HNF4G: variants seen among roughly 807,000 people sequenced by gnomAD.
HNF4G encodes the protein hepatocyte nuclear factor 4 gamma, also known as hepatocyte nuclear factor 4-gamma.
Under a neutral mutation model 50.9 loss-of-function variants are expected in HNF4G, and 21 were observed. The observed-to-expected ratio is 0.41, with a 90% CI of 0.29 to 0.59. HNF4G has a LOEUF of 0.59. HNF4G is among the 20% of genes least tolerant of loss of function. HNF4G has a pLI of 0.26. For missense variants in HNF4G, 527 were observed against 559.4 expected (o/e 0.94, Z 0.58); for synonymous variants, 198 against 185.6 (o/e 1.07, Z -0.54).
chr8:75,515,207 C>T lies in HNF4G; in HGVS notation c.-24+24999C>T, dbSNP rs918910306. ...ACTGTACAATTTATAAGCTGTTTGT[C>T]TTTGTGCATATTTTTTGTATTTTTT... On this transcript the variant is annotated intron_variant, in intron 2 of 10. Coordinates refer to the HNF4G transcript ENST00000354370. Among the ~76,000 whole-genome samples the T allele has an allele frequency of 2.6e-5, 4 of 152,026 alleles. No individual in the cohort carries two copies. The East Asian group carries it at 5.8e-4, about 22-fold the overall frequency.
intron 2 of HNF4G, among the ~76,000 whole-genome samples, chr8:75,527,469 C>A (rs1168903320): frequency 6.6e-6 from 1 of 152,156 alleles, no homozygotes; most frequent in East Asian, 1.9e-4. Flanking sequence ...TCAATGTTCA[C>A]AATGACTTTG....
At chr8:75,433,601 G>T (rs1221269974) in intron 1 of HNF4G, among the ~76,000 whole-genome samples, 1 of 152,074 alleles carries the variant, frequency 6.6e-6, no homozygotes, top group Non-Finnish European at 1.5e-5. Context: ...TCACTACTGT[G>T]TTGCACGGGC....
intron 1 of HNF4G, among the ~76,000 whole-genome samples, chr8:75,461,057 T>C (rs1811827197): frequency 6.6e-6 from 1 of 152,216 alleles, no homozygotes; most frequent in Admixed American, 6.5e-5. Flanking sequence ...AGGTTAAGAA[T>C]CTTGCCCAAA....
chr8:75,426,149 A>G (rs1261745440), intron 1 of HNF4G, among the ~76,000 whole-genome samples: 1 of 152,196 alleles, frequency 6.6e-6, no homozygotes, highest in Admixed American at 6.5e-5. Context: ...CTTACTGTAC[A>G]TGCAACTATA....
chr8:75,437,704 A>C (rs1447684088), intron 1 of HNF4G, among the ~76,000 whole-genome samples: 1 of 152,036 alleles, frequency 6.6e-6, no homozygotes, highest in East Asian at 1.9e-4. Flanking sequence ...AAAATAAAAA[A>C]AGAAATGTTA....
intron 1 of HNF4G, among the ~76,000 whole-genome samples, chr8:75,471,947 A>C (rs970066206): frequency 6.6e-6 from 1 of 152,186 alleles, no homozygotes; most frequent in Non-Finnish European, 1.5e-5. Context: ...ATGGTACTTG[A>C]GCAAGTAATC....
At position 75,566,557 on chromosome 8, in the gene HNF4G, AAAGGAACTGATGTTTTC is replaced by A. The variant is rs1807467421; in HGVS notation, c.*2463_*2479del. On this transcript the variant is annotated 3_prime_UTR_variant, in exon 10 of 10. Coordinates refer to ENST00000396423, the MANE Select transcript of HNF4G (RefSeq NM_004133.5). ...ACTGAACTGCCATAGATGCTGGAAAAAAGGAACTGATGTTTTCAGCATATTTTCAAAATATTGATAAG... is the reference window on the plus strand; with the variant it reads ...ACTGAACTGCCATAGATGCTGGAAAAAGCATATTTTCAAAATATTGATAAG... 1 of 152,516 alleles carries A rather than the reference AAAGGAACTGATGTTTTC, an allele frequency of 6.6e-6. No individual in the cohort carries two copies. Among genetic ancestry groups the A allele is most frequent in the Admixed American group, 6.5e-5 (1 of 15,270 alleles). The allele number at this position is 152,516 out of a possible 1,614,324, so 9.4% of individuals were successfully genotyped here. A position where few individuals can be genotyped will look rare whatever the true frequency, so the allele number is the denominator to read the frequency against.
At chr8:75,490,347 C>A (rs1812595502) in intron 2 of HNF4G, 2 of 152,168 alleles carry the variant, frequency 1.3e-5, no homozygotes, top group South Asian at 2.1e-4. Flanking sequence ...GTACACTGAC[C>A]ACAACCTCCT....
chr8:75,428,034 C>T (rs1464419359), intron 1 of HNF4G, among the ~76,000 whole-genome samples: 3 of 152,188 alleles, frequency 2.0e-5, no homozygotes, highest in East Asian at 1.9e-4. Flanking sequence ...ATGCATAAAA[C>T]ATTGCTTTAT....
chr8:75,539,249 C>A (rs1008881205), upstream of HNF4G, among the ~76,000 whole-genome samples: 1 of 152,120 alleles, frequency 6.6e-6, no homozygotes, highest in African/African-American at 2.4e-5. Flanking sequence ...CATGTACTAG[C>A]AGCTGTACTG....
At chr8:75,532,183 A>G (rs1052330874) in intron 2 of HNF4G, among the ~76,000 whole-genome samples, 21 of 152,170 alleles carry the variant, frequency 1.4e-4, no homozygotes, top group African/African-American at 4.8e-4. Context: ...TTATTTTGAG[A>G]GAAGAGTTAT....
chr8:75,449,371 T>G (rs1326977821), intron 1 of HNF4G, among the ~76,000 whole-genome samples: 1 of 151,624 alleles, frequency 6.6e-6, no homozygotes, highest in Non-Finnish European at 1.5e-5. Flanking sequence ...TATAAAATTT[T>G]GTAAATTTGG....
chr8:75,501,913 C>T (rs373000469), intron 2 of HNF4G, among the ~76,000 whole-genome samples: 8 of 123,052 alleles, frequency 6.5e-5, no homozygotes, highest in East Asian at 2.3e-4. Context: ...AGTGCAGTGG[C>T]GCAATCTCGG....
At chr8:75,412,391 A>G (rs1810521509) in intron 1 of HNF4G, among the ~76,000 whole-genome samples, 1 of 152,214 alleles carries the variant, frequency 6.6e-6, no homozygotes, top group South Asian at 2.1e-4. Flanking sequence ...CTTACTTTCA[A>G]AGTACATATG....
intron 2 of HNF4G, among the ~76,000 whole-genome samples, chr8:75,510,013 G>A (rs1293039896): frequency 6.6e-6 from 1 of 152,004 alleles, no homozygotes; most frequent in African/African-American, 2.4e-5. Flanking sequence ...CCAGAGAAAG[G>A]CATTATTATC....
chr8:75,478,073 A>G (rs762725535), intron 1 of HNF4G, among the ~76,000 whole-genome samples: 3 of 152,230 alleles, frequency 2.0e-5, no homozygotes, highest in Non-Finnish European at 2.9e-5. Flanking sequence ...CCACGTTGGG[A>G]GGCCGAGGCA....
chr8:75,416,712 C>T (rs2130476221), intron 1 of HNF4G, among the ~76,000 whole-genome samples: 1 of 152,298 alleles, frequency 6.6e-6, no homozygotes. Context: ...GTAGACTTCG[C>T]ATGGGACCTG....
intron 1 of HNF4G, among the ~76,000 whole-genome samples, chr8:75,486,702 A>C (rs955613161): frequency 2.6e-5 from 4 of 152,176 alleles, no homozygotes; most frequent in African/African-American, 9.6e-5. Flanking sequence ...ACTTTCTAAA[A>C]GTGAATTTAA....
chr8:75,543,852 G>C lies in HNF4G; in HGVS notation c.160G>C (p.Gly54Arg). The C allele has an allele frequency of 3.7e-6, 6 of 1,613,008 alleles. No individual in the cohort carries two copies. The South Asian group carries it at 5.5e-5, about 15-fold the overall frequency. ...GACAAGTATGAATACCACAGACAAC[G>C]GTGTCAACTGTCTGTGTGCTATCTG... The part of the protein sequence containing the change: ...PETSMNTTDN[G>R]VNCLCAICGD... Residue 54 changes from glycine to arginine, a missense_variant, in exon 2 of 10, where the codon GGT (glycine) becomes CGT (arginine). Around this residue, in one of 5 missense-constraint regions of HNF4G, gnomAD observed 84 missense variants for 87.1 expected, o/e 0.96. Transcript: ENST00000396423.
Sources: allele counts gnomAD v4.1 joint callset (sites outside exome capture counted in the v4.1 genomes callset), GRCh38; gene constraint gnomAD v4.1.1; regional missense constraint gnomAD v4.1.1; transcripts MANE v1.5; gene names NCBI Gene and HGNC (gene_info 2026-07-23, HGNC 2026-07-21).